The following MYRIP variants were observed in gnomAD, a reference collection of about 807,000 sequenced individuals.
The protein encoded by MYRIP is rab effector MyRIP.
MYRIP carries 49 observed loss-of-function variants against 98.0 expected under a neutral mutation model. The ratio of observed to expected loss-of-function variants is 0.50; its 90% confidence interval spans 0.40 to 0.63. MYRIP has a LOEUF of 0.63. Ranked by LOEUF, MYRIP falls within the 30% of genes least tolerant of loss-of-function variation. The pLI is 0.00. For synonymous variants in MYRIP, 404 were observed against 409.5 expected (o/e 0.99, Z 0.16); for missense variants, 1,004 against 1,058.2 (o/e 0.95, Z 0.71).
At chr3:40,079,246 T>G (rs1948422846) in intron 3 of MYRIP, among the ~76,000 whole-genome samples, 1 of 152,224 alleles carries the variant, frequency 6.6e-6, no homozygotes, top group African/African-American at 2.4e-5. Context: ...TTCATTACAC[T>G]GGACTGATAG....
At chr3:40,145,443 T>C (rs888834019) in intron 3 of MYRIP, among the ~76,000 whole-genome samples, 1 of 152,232 alleles carries the variant, frequency 6.6e-6, no homozygotes, top group Non-Finnish European at 1.5e-5. Flanking sequence ...TTTCATTTTT[T>C]CCACCAAACC....
chr3:40,128,106 C>A (rs924195212), intron 3 of MYRIP, among the ~76,000 whole-genome samples: 1 of 152,154 alleles, frequency 6.6e-6, no homozygotes, highest in African/African-American at 2.4e-5. Context: ...TTGTGTCAAA[C>A]CCCTATTAAC....
chr3:39,877,750 C>T (rs1002300772), intron 1 of MYRIP, among the ~76,000 whole-genome samples: 1 of 152,154 alleles, frequency 6.6e-6, no homozygotes, highest in Non-Finnish European at 1.5e-5. Flanking sequence ...CAGTCTGCCC[C>T]TACTGGGGGG....
intron 2 of MYRIP, among the ~76,000 whole-genome samples, chr3:39,950,761 A>T (rs1202195427): frequency 6.6e-6 from 1 of 152,160 alleles, no homozygotes; most frequent in Non-Finnish European, 1.5e-5. Context: ...TGCTACAAAG[A>T]GCTGGTGGCC....
At chr3:40,156,130 A>G (rs1950231981) in intron 4 of MYRIP, among the ~76,000 whole-genome samples, 2 of 151,700 alleles carry the variant, frequency 1.3e-5, no homozygotes, top group South Asian at 4.2e-4. Context: ...TTTTAGGTCT[A>G]ACATTTAAGT....
chr3:40,190,148 C>T lies in MYRIP; in HGVS notation c.1350C>T (p.Ala450=). The T allele has an allele frequency of 6.2e-7, 1 of 1,614,120 alleles. No homozygotes were observed. Among genetic ancestry groups the T allele is most frequent in the Non-Finnish European group, 8.5e-7 (1 of 1,180,004 alleles). ...PSSALSPNPE[A]MCSDSETSSA... ...CTGCACTCTCCCCCAACCCTGAGGC[C>T]ATGTGCTCTGACTCGGAGACCTCCT... Residue 450 remains alanine (A), a synonymous_variant, in exon 10 of 17, where the codon GCC becomes GCT. Coordinates refer to ENST00000302541, the MANE Select transcript of MYRIP (RefSeq NM_015460.4).
intron 9 of MYRIP, among the ~76,000 whole-genome samples, chr3:40,189,276 G>C (rs1333784584): frequency 2.0e-5 from 3 of 152,186 alleles, no homozygotes; most frequent in Non-Finnish European, 4.4e-5. Context: ...CCAGAGTGAG[G>C]CATGTTCCTT....
intron 2 of MYRIP, among the ~76,000 whole-genome samples, chr3:40,030,927 A>G (rs1340319517): frequency 6.6e-6 from 1 of 152,096 alleles, no homozygotes; most frequent in Admixed American, 6.6e-5. Flanking sequence ...TATACTAAAA[A>G]CCGCTGAATT....
At chr3:39,935,226 A>C (rs1320118149) in intron 2 of MYRIP, among the ~76,000 whole-genome samples, 1 of 152,148 alleles carries the variant, frequency 6.6e-6, no homozygotes, top group Non-Finnish European at 1.5e-5. Flanking sequence ...AGATAGAGTG[A>C]AGGCTGTGGG....
At chr3:40,212,881 G>A (rs1952004651) in intron 11 of MYRIP, among the ~76,000 whole-genome samples, 1 of 152,088 alleles carries the variant, frequency 6.6e-6, no homozygotes. Context: ...TTGCACCACA[G>A]CACTCCAGCC....
chr3:40,230,941 G>C (rs1358581194), intron 11 of MYRIP, among the ~76,000 whole-genome samples: 1 of 151,680 alleles, frequency 6.6e-6, no homozygotes, highest in East Asian at 1.9e-4. Context: ...TTCTGCTGCT[G>C]CAGCCTCCCA....
intron 1 of MYRIP, among the ~76,000 whole-genome samples, chr3:39,884,363 T>G (rs959554576): frequency 6.6e-5 from 10 of 152,226 alleles, no homozygotes; most frequent in African/African-American, 2.4e-4. Flanking sequence ...TTGTGTTAAG[T>G]TGGCTGGGCC....
At chr3:40,018,350 C>G (rs1946915936) in intron 2 of MYRIP, among the ~76,000 whole-genome samples, 1 of 152,190 alleles carries the variant, frequency 6.6e-6, no homozygotes, top group Non-Finnish European at 1.5e-5. Context: ...GCTTGTCTCT[C>G]TCTCTCCAGA....
At chr3:40,012,463 T>G (rs1946778438) in intron 2 of MYRIP, among the ~76,000 whole-genome samples, 1 of 152,226 alleles carries the variant, frequency 6.6e-6, no homozygotes. Flanking sequence ...GGTTTTTGTC[T>G]CACCAAAGTT....
intron 3 of MYRIP, among the ~76,000 whole-genome samples, chr3:40,066,523 G>T (rs559709724): frequency 6.6e-6 from 1 of 152,204 alleles, no homozygotes; most frequent in South Asian, 2.1e-4. Context: ...AACAATTTTA[G>T]TCTATGACTT....
intron 2 of MYRIP, among the ~76,000 whole-genome samples, chr3:39,914,513 G>C (rs1944106519): frequency 1.3e-5 from 2 of 151,912 alleles, no homozygotes; most frequent in African/African-American, 4.8e-5. Context: ...GTCAAAAAAA[G>C]CTGCTCTAAA....
chr3:40,053,263 A>G (rs1263171534), intron 3 of MYRIP, among the ~76,000 whole-genome samples: 1 of 152,074 alleles, frequency 6.6e-6, no homozygotes, highest in African/African-American at 2.4e-5. Flanking sequence ...GGGGACATGT[A>G]TTTTGAAGTC....
intron 16 of MYRIP, 112 bp from the exon 17 acceptor site, chr3:40,258,021 GT>G (rs766730204): frequency 1.2e-5 from 14 of 1,170,120 alleles, no homozygotes; most frequent in Non-Finnish European, 1.8e-5. Flanking sequence ...CATCTAACTG[GT>G]CAAAAAGCAT....
chr3:40,061,877 G>T (rs1163000828), intron 3 of MYRIP, among the ~76,000 whole-genome samples: 1 of 152,138 alleles, frequency 6.6e-6, no homozygotes, highest in Non-Finnish European at 1.5e-5. Context: ...TCAGATGCTT[G>T]TTGACCACAT....
Sources: gnomAD v4.1 joint callset for allele counts (sites outside exome capture counted in the v4.1 genomes callset) on GRCh38, gnomAD v4.1.1 for gene constraint, MANE v1.5 for transcripts, NCBI Gene and HGNC (gene_info 2026-07-23, HGNC 2026-07-21) for gene names.